Variants in RAPGEF6 observed in about 807,000 individuals in gnomAD.
RAPGEF6 encodes the protein Rap guanine nucleotide exchange factor 6, also known as PDZ domain containing guanine nucleotide exchange factor (GEF) 2.
A neutral mutation model predicts 171.4 loss-of-function variants in RAPGEF6; 56 were observed. The observed-to-expected ratio is 0.33, with a 90% CI of 0.26 to 0.41. The LOEUF is 0.41. Ranked by LOEUF, RAPGEF6 falls within the 10% of genes least tolerant of loss-of-function variation. RAPGEF6 has a pLI of 1.00. For missense variants in RAPGEF6, 1,674 were observed against 1,921.4 expected (o/e 0.87, Z 2.41); for synonymous variants, 692 against 650.1 (o/e 1.06, Z -0.98).
intron 22 of RAPGEF6, among the ~76,000 whole-genome samples, chr5:131,442,951 CT>C (rs5871422): frequency 8.2e-5 from 12 of 146,656 alleles, no homozygotes; most frequent in South Asian, 4.4e-4. Context: ...CAAAACCTGG[CT>C]TTTTTTTTTG....
At chr5:131,576,479 G>A (rs1025957708) in intron 4 of RAPGEF6, among the ~76,000 whole-genome samples, 1 of 152,124 alleles carries the variant, frequency 6.6e-6, no homozygotes. Context: ...CACCACACAA[G>A]GGTCCTCCAT....
chr5:131,588,859 G>A (rs1763420647), intron 4 of RAPGEF6, among the ~76,000 whole-genome samples: 1 of 152,002 alleles, frequency 6.6e-6, no homozygotes, highest in Non-Finnish European at 1.5e-5. Context: ...GATCACTTGA[G>A]GTCAAGAGTT....
intron 4 of RAPGEF6, among the ~76,000 whole-genome samples, chr5:131,579,672 T>A (rs1762819659): frequency 6.6e-6 from 1 of 152,160 alleles, no homozygotes; most frequent in Non-Finnish European, 1.5e-5. Context: ...GCATTTACAA[T>A]CCTTTAGCTA....
chr5:131,440,958 G>A (rs1752348434), intron 23 of RAPGEF6, among the ~76,000 whole-genome samples: 1 of 152,096 alleles, frequency 6.6e-6, no homozygotes, highest in East Asian at 1.9e-4. Flanking sequence ...CCAGTTAACT[G>A]TTAGACCAGC....
intron 6 of RAPGEF6, among the ~76,000 whole-genome samples, chr5:131,529,736 C>A (rs544194282): frequency 2.6e-5 from 4 of 151,918 alleles, no homozygotes; most frequent in Non-Finnish European, 5.9e-5. Context: ...GATGGAGAGA[C>A]CTTGTCTCTA....
chr5:131,548,766 T>C (rs1292939282), intron 5 of RAPGEF6, among the ~76,000 whole-genome samples: 10 of 152,328 alleles, frequency 6.6e-5, no homozygotes, highest in Middle Eastern at 3.4e-3. Context: ...ACAACAGCCC[T>C]GTAAGCAGGT....
At chr5:131,428,706 C>T (rs1447616712) in intron 27 of RAPGEF6, among the ~76,000 whole-genome samples, 196 bp downstream of exon 27, 1 of 152,078 alleles carries the variant, frequency 6.6e-6, no homozygotes, top group Admixed American at 6.6e-5. Context: ...AGGTGATTCG[C>T]CCGCCTCAGC....
At chr5:131,555,009 A>C (rs1034907336) in intron 5 of RAPGEF6, among the ~76,000 whole-genome samples, 2 of 152,246 alleles carry the variant, frequency 1.3e-5, no homozygotes, top group African/African-American at 4.8e-5. Context: ...CAAACCTATC[A>C]GCAATCACAA....
At chr5:131,436,351 T>C (rs758432537) in intron 24 of RAPGEF6, 182 of 1,537,546 alleles carry the variant, frequency 1.2e-4, no homozygotes, top group Non-Finnish European at 1.5e-4. Context: ...GCCACTGATC[T>C]TGCTGCTGTG....
At chr5:131,576,547 C>CG (rs1762615985) in intron 4 of RAPGEF6, among the ~76,000 whole-genome samples, 1 of 152,142 alleles carries the variant, frequency 6.6e-6, no homozygotes, top group African/African-American at 2.4e-5. Context: ...CCAAGGAAGC[C>CG]GGAGTCATTC....
chr5:131,468,503 A>C (rs1489911292), intron 17 of RAPGEF6, among the ~76,000 whole-genome samples: 2 of 95,970 alleles, frequency 2.1e-5, no homozygotes, highest in African/African-American at 6.8e-5. Flanking sequence ...AAATTAAAAA[A>C]TGAATACTTG....
Position 131,446,572 on chromosome 5 carries a change from A to G in RAPGEF6, c.3332T>C (p.Val1111Ala). Reference sequence around the variant, plus strand: ...ATCGAGACTGGAAAGATACTGCTTCACCTTCCTTGCCATTTGGGCATCCTC... The same window carrying G: ...ATCGAGACTGGAAAGATACTGCTTCGCCTTCCTTGCCATTTGGGCATCCTC... ...LYEDAQMARK[V>A]KQYLSSLDVE... Residue 1111 changes from valine to alanine, a missense_variant, in exon 22 of 28, where the codon GTG becomes GCG. Physicochemically the swap from Val to Ala is moderately conservative, Grantham distance 64. This residue lies in a region of RAPGEF6 where 6 missense variants were observed against 25.7 expected (regional missense o/e 0.23). Coordinates refer to ENST00000509018, the MANE Select transcript of RAPGEF6 (RefSeq NM_016340.6). 1 of 1,614,200 alleles carries G rather than the reference A, an allele frequency of 6.2e-7. No homozygotes were observed. The highest frequency in any genetic ancestry group is 1.1e-5 in the South Asian group (1 of 91,082).
intron 6 of RAPGEF6, among the ~76,000 whole-genome samples, chr5:131,523,719 T>G (rs772038158): frequency 1.1e-4 from 16 of 152,008 alleles, no homozygotes; most frequent in Admixed American, 4.6e-4. Context: ...AGATGATAGC[T>G]AAGCATTTTC....
At chr5:131,511,049 C>T (rs748475287) in intron 7 of RAPGEF6, among the ~76,000 whole-genome samples, 193 of 152,242 alleles carry the variant, frequency 1.3e-3, no homozygotes, top group Non-Finnish European at 5.1e-4. Context: ...CTCTTCATTT[C>T]CCAATACTTT....
At chr5:131,543,547 A>G (rs1760297067) in intron 6 of RAPGEF6, among the ~76,000 whole-genome samples, 1 of 152,196 alleles carries the variant, frequency 6.6e-6, no homozygotes, top group South Asian at 2.1e-4. Flanking sequence ...ATCTATAGAT[A>G]TTATTGAGTG....
At chr5:131,436,442 T>G in intron 24 of RAPGEF6, 1 of 1,338,202 alleles carries the variant, frequency 7.5e-7, no homozygotes, top group Non-Finnish European at 9.9e-7. Context: ...GTTTACATAA[T>G]ATTTCACTAT....
chr5:131,450,054 C>T (rs1561473680), intron 21 of RAPGEF6: 1 of 1,542,062 alleles, frequency 6.5e-7, no homozygotes, highest in Non-Finnish European at 8.7e-7. Context: ...TTCCTGTAAG[C>T]AAGAGCCACA....
At chr5:131,514,402 C>T (rs1757939458) in intron 7 of RAPGEF6, among the ~76,000 whole-genome samples, 1 of 133,826 alleles carries the variant, frequency 7.5e-6, no homozygotes, top group African/African-American at 2.6e-5. Flanking sequence ...AAGTTTAATT[C>T]TATAATAATT....
At chr5:131,430,668 G>A in intron 26 of RAPGEF6, 191 bp downstream of exon 26, 1 of 789,008 alleles carries the variant, frequency 1.3e-6, no homozygotes, top group South Asian at 1.4e-5. Flanking sequence ...CATTTTAATG[G>A]GGTTGAATAG....
Sources: allele counts gnomAD v4.1 joint callset (sites outside exome capture counted in the v4.1 genomes callset), GRCh38; gene constraint gnomAD v4.1.1; regional missense constraint gnomAD v4.1.1; transcripts MANE v1.5; gene names NCBI Gene and HGNC (gene_info 2026-07-23, HGNC 2026-07-21).